The following COPS7B variants were observed in gnomAD, a reference collection of about 807,000 sequenced individuals.
COPS7B encodes the protein COP9 signalosome complex subunit 7b.
In COPS7B, 9 loss-of-function variants were observed where a neutral mutation model predicts 33.4. The observed-to-expected ratio is 0.27, with a 90% CI of 0.16 to 0.47. The LOEUF (loss-of-function observed/expected upper bound fraction) is 0.47. Ranked by LOEUF, COPS7B falls within the 20% of genes least tolerant of loss-of-function variation. COPS7B has a pLI of 0.99. For synonymous variants in COPS7B, 119 were observed against 126.3 expected, an observed-to-expected ratio of 0.94 and a Z score of 0.39; for missense variants, 242 against 318.2, an observed-to-expected ratio of 0.76 and a Z score of 1.82.
At chr2:231,791,478 A>G in intron 2 of COPS7B, 1 of 484,244 alleles carries the variant, frequency 2.1e-6, no homozygotes, top group Non-Finnish European at 3.7e-6. Flanking sequence ...GTGTGAGAGA[A>G]AAGCAGTTCG....
chr2:231,786,190 G>A (rs75923903), upstream of COPS7B: 980 of 152,924 alleles, frequency 6.4e-3, 18 homozygotes, highest in African/African-American at 0.022. Context: ...TTTGGGGCCC[G>A]GGATGGCGAT....
chr2:231,801,238 T>G (rs2049736554), intron 6 of COPS7B: 1 of 1,550,228 alleles, frequency 6.5e-7, no homozygotes, highest in African/African-American at 1.4e-5. Flanking sequence ...CCCTCCTTCT[T>G]AATGAAGTCA....
intron 3 of COPS7B, chr2:231,793,770 C>T (rs1436669683): frequency 6.6e-6 from 1 of 152,606 alleles, no homozygotes; most frequent in Non-Finnish European, 1.5e-5. Flanking sequence ...GTAGTTCTGC[C>T]TTGGATTTGT....
At chr2:231,799,030 A>G (rs1481290226) in intron 6 of COPS7B, 66 bp downstream of exon 6, 8 of 1,458,630 alleles carry the variant, frequency 5.5e-6, no homozygotes, top group Non-Finnish European at 7.6e-6. Context: ...TGCAGTGTTT[A>G]TGTTTTTGTT....
At chr2:231,794,902 A>C in intron 4 of COPS7B, among the ~76,000 whole-genome samples, 1 of 147,950 alleles carries the variant, frequency 6.8e-6, no homozygotes. Flanking sequence ...ACAGGCGTGG[A>C]CCACCCCGCC....
chr2:231,800,934 T>G (rs2049726428), intron 6 of COPS7B, among the ~76,000 whole-genome samples: 3 of 152,218 alleles, frequency 2.0e-5, no homozygotes, highest in Admixed American at 2.0e-4. Context: ...CTGCTAAGTG[T>G]TGAAGGCTGC....
At position 231,807,472 on chromosome 2, in the gene COPS7B, A is replaced by G. The variant is rs370616518; in HGVS notation, c.637-15A>G. The G allele has an allele frequency of 8.6e-5, 138 of 1,605,546 alleles. No homozygotes were observed. The highest frequency in any genetic ancestry group is 5.0e-4 in the Middle Eastern group (3 of 5,998). ...CATACAGGCTGAGCACTCCAATTCT[A>G]TATCTCCCCACCAGGTTACCAACAT... is the stretch of plus-strand genomic sequence containing the variant. On this transcript the variant is annotated splice_polypyrimidine_tract_variant and intron_variant, in intron 6 of 6. Coordinates refer to ENST00000350033, the MANE Select transcript of COPS7B (RefSeq NM_022730.4).
At chr2:231,805,433 T>A (rs11892489) in intron 6 of COPS7B, among the ~76,000 whole-genome samples, 6,582 of 113,110 alleles carry the variant, frequency 0.058, 164 homozygotes, top group African/African-American at 0.066. Flanking sequence ...ATATATATAT[T>A]TTTTTTTAAA....
intron 1 of COPS7B, among the ~76,000 whole-genome samples, chr2:231,788,169 C>T (rs1328267795): frequency 7.0e-6 from 1 of 142,694 alleles, no homozygotes; most frequent in African/African-American, 2.7e-5. Flanking sequence ...GACAGTCTCG[C>T]TCTGTTGCCC....
upstream of COPS7B, chr2:231,782,033 C>G (rs759330031): frequency 4.4e-6 from 3 of 683,804 alleles, no homozygotes; most frequent in Non-Finnish European, 7.5e-6. Context: ...ACCGGGAGAG[C>G]TATGGATTGT....
In COPS7B at chr2:231,794,276, C is replaced by A; in HGVS notation, c.252C>A (p.Ser84Arg). ...TYPDYIANKE[S>R]LPELSTAQQN... is the part of the protein sequence containing the mutation. ...GGGACTGAGCAGCCAACAAGGAGAG[C>A]CTGCCAGAACTGAGCACAGCTCAGC... The change falls in exon 4 of 7, where the codon AGC (serine) becomes AGA (arginine). Residue 84 changes from serine to arginine, a missense_variant. Ser to Arg is a moderately radical substitution (Grantham distance 110). Transcript: ENST00000350033. 6.2e-7 allele frequency: 1 copy of A among 1,613,872 alleles called. No individual in the cohort carries two copies. Among genetic ancestry groups the A allele is most frequent in the Non-Finnish European group, 8.5e-7 (1 of 1,179,876 alleles).
At chr2:231,791,603 G>A in intron 2 of COPS7B, 130 bp from the exon 3 acceptor site, 1 of 696,890 alleles carries the variant, frequency 1.4e-6, no homozygotes, top group Non-Finnish European at 2.5e-6. Context: ...GACCCCAGGG[G>A]CCAAGTAATC....
intron 4 of COPS7B, among the ~76,000 whole-genome samples, chr2:231,794,756 T>TTTG (rs201635975): frequency 9.2e-5 from 14 of 152,176 alleles, no homozygotes; most frequent in Admixed American, 2.6e-4. Flanking sequence ...TGCTAGATTT[T>TTTG]TTGTTGTTGT....
chr2:231,792,861 C>A (rs889717936), intron 3 of COPS7B, among the ~76,000 whole-genome samples: 8 of 152,246 alleles, frequency 5.3e-5, no homozygotes, highest in Admixed American at 5.2e-4. Flanking sequence ...ATACTCAGGG[C>A]CTTCGCTGCG....
intron 4 of COPS7B, among the ~76,000 whole-genome samples, 157 bp downstream of exon 4, chr2:231,794,508 C>G (rs2049508216): frequency 6.6e-6 from 1 of 152,172 alleles, no homozygotes; most frequent in Admixed American, 6.5e-5. Context: ...TAGAAAAGTA[C>G]TCCCCATTCC....
chr2:231,788,648 C>T lies in COPS7B; in HGVS notation c.78C>T (p.Ala26=), dbSNP rs11557625. The part of the protein sequence containing the change: ...ILLAKGTSGS[A]LTALISQVLE... ...TAGCCAAAGGTACCAGTGGCTCAGCCCTCACTGCTCTCATAAGCCAGGTCT... is the reference window on the plus strand; with the variant it reads ...TAGCCAAAGGTACCAGTGGCTCAGCTCTCACTGCTCTCATAAGCCAGGTCT... Residue 26 remains alanine (A), a synonymous_variant, in exon 2 of 7, where the codon GCC becomes GCT. Transcript: ENST00000350033. The T allele has an allele frequency of 0.019, 31,425 of 1,614,100 alleles. 405 individuals are homozygous for T. Among genetic ancestry groups the T allele is most frequent in the Non-Finnish European group, 0.024 (28,059 of 1,179,970 alleles).
intron 6 of COPS7B, among the ~76,000 whole-genome samples, chr2:231,804,092 CTT>C (rs1269647792): frequency 2.6e-5 from 4 of 152,168 alleles, no homozygotes; most frequent in Admixed American, 2.0e-4. Context: ...CTGATAATGA[CTT>C]TATGCTACAA....
chr2:231,796,596 T>C (rs893267457), intron 5 of COPS7B, among the ~76,000 whole-genome samples: 1 of 152,214 alleles, frequency 6.6e-6, no homozygotes, highest in Non-Finnish European at 1.5e-5. Context: ...AGGTGGAGCC[T>C]ATGTGTCCTA....
intron 6 of COPS7B, among the ~76,000 whole-genome samples, chr2:231,799,730 G>C (rs1559369816): frequency 6.6e-6 from 1 of 152,206 alleles, no homozygotes; most frequent in Non-Finnish European, 1.5e-5. Context: ...TGTGAATGGA[G>C]TTTGAAGTAT....
Sources: gnomAD v4.1 joint callset for allele counts (sites outside exome capture counted in the v4.1 genomes callset) on GRCh38, gnomAD v4.1.1 for gene constraint, MANE v1.5 for transcripts, NCBI Gene and HGNC (gene_info 2026-07-23, HGNC 2026-07-21) for gene names.